Variants in NR3C1 observed in about 807,000 individuals in gnomAD.
NR3C1 encodes glucocorticoid receptor.
A neutral mutation model predicts 74.0 loss-of-function variants in NR3C1; 14 were observed. That is an observed-to-expected ratio of 0.19 (90% CI 0.12 to 0.30). NR3C1 has a LOEUF of 0.30. Among genes scored for constraint, NR3C1 ranks in the 10% least tolerant of loss-of-function variants. The pLI is 1.00. For missense variants in NR3C1, 695 were observed against 909.8 expected, an observed-to-expected ratio of 0.76 and a Z score of 3.04; for synonymous variants, 308 against 332.5, an observed-to-expected ratio of 0.93 and a Z score of 0.80.
At chr5:143,419,575 G>A (rs1400249793) in intron 1 of NR3C1, among the ~76,000 whole-genome samples, 1 of 152,104 alleles carries the variant, frequency 6.6e-6, no homozygotes, top group Admixed American at 6.6e-5. Context: ...TAGGTTCCGT[G>A]ATGCCCCACA....
chr5:143,324,619 T>C (rs531533628), intron 2 of NR3C1, among the ~76,000 whole-genome samples: 1 of 152,356 alleles, frequency 6.6e-6, no homozygotes, highest in African/African-American at 2.4e-5. Context: ...TTAGGCTCCT[T>C]GCTACTTATG....
At chr5:143,398,289 G>A (rs1358377817) in intron 2 of NR3C1, among the ~76,000 whole-genome samples, 1 of 150,362 alleles carries the variant, frequency 6.7e-6, no homozygotes, top group Non-Finnish European at 1.5e-5. Flanking sequence ...CTAAATAAAG[G>A]ATAATTATTT....
At chr5:143,405,375 A>T (rs1841048702), upstream of NR3C1, 1 of 984,588 alleles carries the variant, frequency 1.0e-6, no homozygotes, top group Admixed American at 6.2e-5. Context: ...CCCTGCTCTG[A>T]CATCTTGAAG....
chr5:143,399,385 T>C (rs1284041723), intron 2 of NR3C1, among the ~76,000 whole-genome samples: 1 of 152,224 alleles, frequency 6.6e-6, no homozygotes, highest in Admixed American at 6.5e-5. Flanking sequence ...TATCTGTTAA[T>C]GAGCAACATT....
At chr5:143,430,099 AGAAAAG>A (rs1413040654) in intron 1 of NR3C1, among the ~76,000 whole-genome samples, 1 of 151,822 alleles carries the variant, frequency 6.6e-6, no homozygotes, top group Non-Finnish European at 1.5e-5. Flanking sequence ...AAAAAAGAAA[AGAAAAG>A]AAAAAGAAAA....
intron 2 of NR3C1, among the ~76,000 whole-genome samples, chr5:143,395,306 C>T (rs1227432446): frequency 6.6e-6 from 1 of 151,892 alleles, no homozygotes; most frequent in Non-Finnish European, 1.5e-5. Flanking sequence ...AGTCGGCTCT[C>T]TGAAGCTGCA....
chr5:143,340,693 G>C (rs1313339832), intron 2 of NR3C1, among the ~76,000 whole-genome samples: 4 of 151,986 alleles, frequency 2.6e-5, no homozygotes, highest in African/African-American at 9.7e-5. Context: ...ATGTTGGCCA[G>C]GCTGGTCTTG....
intron 2 of NR3C1, among the ~76,000 whole-genome samples, chr5:143,346,604 A>G (rs2151763554): frequency 6.6e-6 from 1 of 152,334 alleles, no homozygotes; most frequent in Non-Finnish European, 1.5e-5. Context: ...AATTTGGTTG[A>G]CGTCGTGATT....
At chr5:143,325,680 G>T (rs1393861273) in intron 2 of NR3C1, among the ~76,000 whole-genome samples, 1 of 152,086 alleles carries the variant, frequency 6.6e-6, no homozygotes, top group Non-Finnish European at 1.5e-5. Flanking sequence ...ATTAACCATA[G>T]GTATGTATGT....
At chr5:143,295,642 CA>C in intron 6 of NR3C1, 52 bp from the exon 7 acceptor site, 2 of 1,481,356 alleles carry the variant, frequency 1.4e-6, no homozygotes, top group Non-Finnish European at 9.4e-7. Context: ...TACTTCCCCC[CA>C]AAAAGCACAT....
In NR3C1 at chr5:143,384,779, T is replaced by A. The variant is rs192048904; in HGVS notation, c.1184+14877A>T. ...CAGGCTAGCATTGAGTGCCTACAGC[T>A]TTTCCAGGCACATGGTGAAAGCTGT... On this transcript the variant is annotated intron_variant, in intron 2 of 8. Transcript: ENST00000394464. Among the ~76,000 whole-genome samples the A allele has an allele frequency of 1.6e-4, 24 of 152,232 alleles. No individual in the cohort carries two copies. The East Asian group carries it at 4.6e-3, about 29-fold the overall frequency.
At chr5:143,378,086 C>T in intron 2 of NR3C1, among the ~76,000 whole-genome samples, 1 of 151,910 alleles carries the variant, frequency 6.6e-6, no homozygotes, top group Non-Finnish European at 1.5e-5. Context: ...CCTGTCTCTA[C>T]AAAAGATTTA....
upstream of NR3C1, among the ~76,000 whole-genome samples, chr5:143,406,368 C>T (rs374677411): frequency 5.3e-4 from 79 of 148,376 alleles, no homozygotes; most frequent in Middle Eastern, 0.011. Flanking sequence ...GGGAAGAATA[C>T]GTAGTTTTAA....
At chr5:143,377,897 A>G (rs1158055682) in intron 2 of NR3C1, among the ~76,000 whole-genome samples, 1 of 152,178 alleles carries the variant, frequency 6.6e-6, no homozygotes, top group Non-Finnish European at 1.5e-5. Context: ...TGGATCCCAA[A>G]TATGTCTGAG....
At chr5:143,318,870 A>C (rs1330275660) in intron 2 of NR3C1, among the ~76,000 whole-genome samples, 1 of 152,196 alleles carries the variant, frequency 6.6e-6, no homozygotes. Flanking sequence ...TAAGGGTTGA[A>C]ATTTAATGTA....
chr5:143,435,404 T>C (rs574582540), exon 1 of NR3C1: 3 of 985,456 alleles, frequency 3.0e-6, no homozygotes, highest in Admixed American at 6.1e-5. Flanking sequence ...TGAAAGTGAT[T>C]CGCCTCTACT....
intron 2 of NR3C1, among the ~76,000 whole-genome samples, chr5:143,368,032 C>T (rs945341363): frequency 3.3e-5 from 5 of 152,158 alleles, no homozygotes; most frequent in Non-Finnish European, 7.4e-5. Flanking sequence ...CAGTGTGGTA[C>T]TGGCATAAGA....
At chr5:143,433,468 A>AATT (rs1600696263) in intron 1 of NR3C1, among the ~76,000 whole-genome samples, 5 of 38,330 alleles carry the variant, frequency 1.3e-4, no homozygotes, top group South Asian at 8.6e-4. Context: ...ATATATATAT[A>AATT]TATTTAATTT....
chr5:143,314,026 C>T lies in NR3C1; in HGVS notation c.1327G>A (p.Val443Ile), dbSNP rs1250545342. ...YGVLTCGSCK[V>I]FFKRAVEGQH... ...CCTTCCACTGCTCTTTTGAAGAAAA[C>T]TTTACAGCTTCCACAAGTTAAGACT... Residue 443 changes from valine (V) to isoleucine (I), a missense_variant, in exon 3 of 9, where the codon GTT (valine) becomes ATT (isoleucine). Physicochemically the swap from Val to Ile is conservative, Grantham distance 29. This residue lies in a region of NR3C1 where 23 missense variants were observed against 83.1 expected (regional missense o/e 0.28). Coordinates refer to ENST00000394464, the MANE Select transcript of NR3C1 (RefSeq NM_000176.3). 1 of 1,613,648 alleles carries T rather than the reference C, an allele frequency of 6.2e-7. No homozygotes were observed.
Sources: allele counts gnomAD v4.1 joint callset (sites outside exome capture counted in the v4.1 genomes callset), GRCh38; gene constraint gnomAD v4.1.1; regional missense constraint gnomAD v4.1.1; transcripts MANE v1.5; gene names NCBI Gene and HGNC (gene_info 2026-07-23, HGNC 2026-07-21).